The following CEP192 variants were observed in gnomAD, a reference collection of about 807,000 sequenced individuals.
The protein encoded by CEP192 is centrosomal protein 192.
In CEP192, 151 loss-of-function variants were observed where a neutral mutation model predicts 271.8. The ratio of observed to expected loss-of-function variants is 0.56; its 90% CI spans 0.49 to 0.64. The LOEUF is 0.64. Ranked by LOEUF, CEP192 falls within the 30% of genes least tolerant of loss-of-function variation. The pLI is 0.00. For missense variants in CEP192, 2,910 were observed against 3,020.5 expected, an observed-to-expected ratio of 0.96 and a Z score of 0.86; for synonymous variants, 995 against 1,076.5, an observed-to-expected ratio of 0.92 and a Z score of 1.48.
chr18:13,002,260 T>C (rs973202029), intron 3 of CEP192, among the ~76,000 whole-genome samples: 2 of 151,806 alleles, frequency 1.3e-5, no homozygotes, highest in Non-Finnish European at 2.9e-5. Flanking sequence ...TATGAGGCTA[T>C]AGAAAAAGAA....
intron 42 of CEP192, among the ~76,000 whole-genome samples, chr18:13,115,447 C>T (rs7236885): frequency 0.039 from 5,917 of 152,092 alleles, 364 homozygotes; most frequent in African/African-American, 0.13. Flanking sequence ...GGGGGCAAGG[C>T]CAGAGCTGGG....
Position 13,116,462 on chromosome 18 carries a change from CT to C in CEP192, c.7377del (p.Val2461SerfsTer13). The C allele has an allele frequency of 6.2e-7, 1 of 1,610,558 alleles. No individual in the cohort carries two copies. Among genetic ancestry groups the C allele is most frequent in the Non-Finnish European group, 8.5e-7 (1 of 1,178,874 alleles). On this transcript the variant is annotated frameshift_variant, in exon 43 of 45. Coordinates refer to ENST00000506447, the MANE Select transcript of CEP192 (RefSeq NM_032142.4). LOFTEE classifies it high-confidence loss of function. ...RPTSVGESRTLKVNLRNNSFI... is the reference protein window; with the variant it reads ...RPTSVGESRTXKVNLRNNSFI... ...GACTAGTGTGGGGGAATCACGGACACTTAAAGTCAATCTGCGAAATAATTCT... is the reference window on the plus strand; with the variant it reads ...GACTAGTGTGGGGGAATCACGGACACTAAAGTCAATCTGCGAAATAATTCT...
intron 30 of CEP192, among the ~76,000 whole-genome samples, chr18:13,079,312 T>C (rs942351330): frequency 6.6e-6 from 1 of 152,258 alleles, no homozygotes; most frequent in African/African-American, 2.4e-5. Context: ...TTCCTGACTT[T>C]TTAATGATCA....
Position 13,059,073 on chromosome 18 carries a change from T to G in CEP192, c.4258-9T>G. ...CATTAATAACGAACTTTATGGCTCT[T>G]TTTTGAAGGTGGATCTTTCAACATA... On this transcript the variant is annotated splice_polypyrimidine_tract_variant and intron_variant, in intron 20 of 44. Coordinates refer to ENST00000506447, the MANE Select transcript of CEP192 (RefSeq NM_032142.4). The G allele has an allele frequency of 1.3e-6, 2 of 1,595,690 alleles. No homozygotes were observed. The highest frequency in any genetic ancestry group is 1.7e-6 in the Non-Finnish European group (2 of 1,163,532).
intron 28 of CEP192, among the ~76,000 whole-genome samples, chr18:13,072,250 G>A (rs916588206): frequency 1.3e-5 from 2 of 152,136 alleles, no homozygotes; most frequent in African/African-American, 4.8e-5. Context: ...TATCAGTCAG[G>A]TGCTATTTTA....
At chr18:13,023,497 A>G (rs955867610) in intron 9 of CEP192, among the ~76,000 whole-genome samples, 3 of 146,292 alleles carry the variant, frequency 2.1e-5, no homozygotes, top group African/African-American at 7.6e-5. Context: ...TTTTGCAGCT[A>G]TTGATATGAT....
intron 5 of CEP192, 37 bp downstream of exon 5, chr18:13,013,062 A>G (rs2034452196): frequency 9.9e-7 from 1 of 1,012,810 alleles, no homozygotes; most frequent in Non-Finnish European, 1.5e-6. Flanking sequence ...TTTCTGGAGT[A>G]CTATAGGGCA....
chr18:13,124,396 T>C (rs1374701777), intron 44 of CEP192: 1 of 381,126 alleles, frequency 2.6e-6, no homozygotes, highest in Non-Finnish European at 4.7e-6. Flanking sequence ...TAATAGTTAC[T>C]GGATAGCCAG....
At chr18:13,111,523 A>G (rs1419294453) in intron 40 of CEP192, among the ~76,000 whole-genome samples, 1 of 152,244 alleles carries the variant, frequency 6.6e-6, no homozygotes, top group Non-Finnish European at 1.5e-5. Flanking sequence ...ACCTAAAGCT[A>G]TAAAACCTCT....
At chr18:13,084,344 C>T (rs568812212) in intron 30 of CEP192, among the ~76,000 whole-genome samples, 20 of 152,300 alleles carry the variant, frequency 1.3e-4, no homozygotes, top group African/African-American at 4.6e-4. Flanking sequence ...ATGCCCCTCC[C>T]CCCGTCAGGC....
At chr18:13,078,882 C>T (rs1281594972) in intron 30 of CEP192, among the ~76,000 whole-genome samples, 1 of 152,100 alleles carries the variant, frequency 6.6e-6, no homozygotes, top group Admixed American at 6.5e-5. Context: ...TGAGAACATG[C>T]GGTGTTTGGT....
At chr18:13,037,169 T>C in intron 11 of CEP192, 68 bp from the exon 12 acceptor site, 1 of 708,084 alleles carries the variant, frequency 1.4e-6, no homozygotes, top group Non-Finnish European at 2.5e-6. Flanking sequence ...TTTTCCTAAC[T>C]TGTATCTGTG....
intron 11 of CEP192, among the ~76,000 whole-genome samples, chr18:13,033,890 A>G (rs997177303): frequency 6.6e-6 from 1 of 152,242 alleles, no homozygotes; most frequent in Admixed American, 6.5e-5. Context: ...TGGAAAGATA[A>G]AACAAGATAC....
chr18:13,084,232 G>A (rs1048967197), intron 30 of CEP192, among the ~76,000 whole-genome samples: 4 of 152,200 alleles, frequency 2.6e-5, no homozygotes, highest in Admixed American at 6.5e-5. Flanking sequence ...CCTAGAGGTG[G>A]GCTCTATAGA....
chr18:13,052,124 C>T (rs2036829155), intron 17 of CEP192, among the ~76,000 whole-genome samples: 1 of 152,198 alleles, frequency 6.6e-6, no homozygotes, highest in East Asian at 1.9e-4. Context: ...CGGCTGGCAG[C>T]CCTGTGAAAG....
chr18:13,037,177 G>A (rs2035961998), intron 11 of CEP192, 60 bp from the exon 12 acceptor site: 3 of 723,396 alleles, frequency 4.1e-6, no homozygotes, highest in South Asian at 1.6e-5. Flanking sequence ...ACTTGTATCT[G>A]TGTGCTAGTG....
In CEP192 at chr18:13,003,436, G is replaced by A. The variant is rs188991694; in HGVS notation, c.290+1854G>A. Among the ~76,000 whole-genome samples the A allele has an allele frequency of 2.0e-3, 269 of 136,328 alleles. 2 individuals carry two copies. Among genetic ancestry groups the A allele is most frequent in the African/African-American group, 6.9e-3 (248 of 35,880 alleles). The allele number at this position is 136,328 out of a possible 152,430, so 89.4% of individuals were successfully genotyped here. ...TGCACTCCAGCCTGGGCAACAGAGT[G>A]AGACTCTGTCTCAAGAAAAAAAAAA... On this transcript the variant is annotated intron_variant, in intron 3 of 44. Coordinates refer to ENST00000506447, the MANE Select transcript of CEP192 (RefSeq NM_032142.4).
At chr18:13,061,809 A>G (rs1166530761) in intron 21 of CEP192, among the ~76,000 whole-genome samples, 1 of 152,182 alleles carries the variant, frequency 6.6e-6, no homozygotes, top group East Asian at 1.9e-4. Flanking sequence ...CCTGGCCTCT[A>G]CCCACTGGGT....
Position 13,055,802 on chromosome 18 carries a change from G to A in CEP192, c.3212G>A (p.Ser1071Asn). 1 of 1,579,216 alleles carries A rather than the reference G, an allele frequency of 6.3e-7. No homozygotes were observed. Among genetic ancestry groups the A allele is most frequent in the Non-Finnish European group, 8.6e-7 (1 of 1,165,002 alleles). Residue 1071 changes from serine (S) to asparagine (N), a missense_variant, in exon 19 of 45, where the codon AGT (serine) becomes AAT (asparagine). Physicochemically the swap from Ser to Asn is conservative, Grantham distance 46 (BLOSUM62 1). Transcript: ENST00000506447. ...CAGAGTGATATCACCAGCGAGTTGA[G>A]TACCACAATTATTCAAGGCAGTCCA... ...DRKSDITSEL[S>N]TTIIQGSPAA...
Sources: allele counts gnomAD v4.1 joint callset (sites outside exome capture counted in the v4.1 genomes callset), GRCh38; gene constraint gnomAD v4.1.1; transcripts MANE v1.5; gene names NCBI Gene and HGNC (gene_info 2026-07-23, HGNC 2026-07-21).